Variants in SHISA9 observed in about 807,000 individuals in gnomAD.
SHISA9 encodes the protein shisa family member 9, also known as protein shisa-9.
Under a neutral mutation model 38.0 loss-of-function variants are expected in SHISA9, and 13 were observed. That is an observed-to-expected ratio of 0.34 (90% CI 0.22 to 0.54). The LOEUF is 0.54. Among genes scored for constraint, SHISA9 ranks in the 20% least tolerant of loss-of-function variants. SHISA9 has a pLI of 0.91. For synonymous variants in SHISA9, 275 were observed against 242.0 expected, an observed-to-expected ratio of 1.14 and a Z score of -1.27; for missense variants, 538 against 575.8, an observed-to-expected ratio of 0.93 and a Z score of 0.67.
chr16:13,246,135 C>A, the SHISA9 span, among the ~76,000 whole-genome samples: 3 of 152,188 alleles, frequency 2.0e-5, no homozygotes, highest in Non-Finnish European at 4.4e-5. Context: ...GCTGCTTCCC[C>A]ACCCAAATCT....
the SHISA9 span, among the ~76,000 whole-genome samples, chr16:13,517,229 C>G: frequency 6.6e-6 from 1 of 152,128 alleles, no homozygotes; most frequent in African/African-American, 2.4e-5. Context: ...TGCTGGTAAC[C>G]ATCGGAAGCT....
the SHISA9 span, among the ~76,000 whole-genome samples, chr16:13,441,075 A>G: frequency 3.9e-5 from 6 of 152,176 alleles, no homozygotes; most frequent in African/African-American, 1.2e-4. Flanking sequence ...CAGAGAAGAA[A>G]TATATTTGAT....
At chr16:13,160,395 A>G (rs546308585) in intron 2 of SHISA9, among the ~76,000 whole-genome samples, 6 of 152,156 alleles carry the variant, frequency 3.9e-5, no homozygotes, top group South Asian at 4.1e-4. Context: ...AGTATATTCT[A>G]TTCACCCAAG....
the SHISA9 span, among the ~76,000 whole-genome samples, chr16:13,525,218 A>C: frequency 2.6e-5 from 4 of 152,126 alleles, no homozygotes; most frequent in Non-Finnish European, 4.4e-5. Context: ...AGAACCACTG[A>C]GCTAATCCAT....
chr16:13,174,645 G>C (rs2050716161), intron 2 of SHISA9, among the ~76,000 whole-genome samples: 1 of 152,182 alleles, frequency 6.6e-6, no homozygotes, highest in Non-Finnish European at 1.5e-5. Context: ...GGAGGGGTTT[G>C]GACTTGAGAG....
intron 2 of SHISA9, among the ~76,000 whole-genome samples, chr16:13,027,891 C>T (rs946247695): frequency 7.5e-6 from 1 of 133,954 alleles, no homozygotes; most frequent in Non-Finnish European, 1.5e-5. Context: ...CACGCCACTG[C>T]ACTCTGGCCT....
the SHISA9 span, among the ~76,000 whole-genome samples, chr16:13,356,529 A>G: frequency 3.9e-5 from 6 of 152,218 alleles, no homozygotes; most frequent in East Asian, 1.2e-3. Context: ...AAGCCAGACC[A>G]GGTGTGAGGA....
chr16:13,126,717 CTG>C (rs1434932460), intron 2 of SHISA9, among the ~76,000 whole-genome samples: 2 of 106,550 alleles, frequency 1.9e-5, no homozygotes, highest in Non-Finnish European at 3.8e-5. Flanking sequence ...GAGAGAGAGA[CTG>C]AGAGAAGGAA....
chr16:13,286,590 G>A, the SHISA9 span, among the ~76,000 whole-genome samples: 1 of 152,034 alleles, frequency 6.6e-6, no homozygotes, highest in Non-Finnish European at 1.5e-5. Flanking sequence ...CTATATTAGG[G>A]AAAAAAAGTA....
chr16:13,495,704 A>G, the SHISA9 span, among the ~76,000 whole-genome samples: 1 of 152,010 alleles, frequency 6.6e-6, no homozygotes, highest in Admixed American at 6.5e-5. Flanking sequence ...TAATAATATT[A>G]TAAAAGAGAA....
At chr16:13,524,733 A>T in the SHISA9 span, among the ~76,000 whole-genome samples, 12 of 145,860 alleles carry the variant, frequency 8.2e-5, no homozygotes, top group East Asian at 4.0e-4. Flanking sequence ...TAATTTTTTA[A>T]TTTTTTTTTT....
At chr16:12,969,307 T>TA (rs1483165282) in intron 2 of SHISA9, among the ~76,000 whole-genome samples, 6 of 151,184 alleles carry the variant, frequency 4.0e-5, no homozygotes, top group East Asian at 3.9e-4. Flanking sequence ...GTGGTTAATG[T>TA]AAAAAAAAGC....
intron 2 of SHISA9, among the ~76,000 whole-genome samples, chr16:13,098,534 G>C (rs1422703381): frequency 6.6e-6 from 1 of 152,164 alleles, no homozygotes; most frequent in Non-Finnish European, 1.5e-5. Flanking sequence ...GTGAGAAAGG[G>C]GGGAGGTTCT....
At chr16:12,983,649 T>C (rs1476478878) in intron 2 of SHISA9, among the ~76,000 whole-genome samples, 1 of 152,114 alleles carries the variant, frequency 6.6e-6, no homozygotes, top group Non-Finnish European at 1.5e-5. Context: ...CCACCATGCC[T>C]GGCTAATTTT....
chr16:13,512,781 G>A, the SHISA9 span, among the ~76,000 whole-genome samples: 4 of 152,156 alleles, frequency 2.6e-5, no homozygotes, highest in South Asian at 2.1e-4. Flanking sequence ...TTTAATAAAT[G>A]GTGTTGGGAA....
intron 2 of SHISA9, among the ~76,000 whole-genome samples, chr16:13,055,092 C>G (rs1261728346): frequency 6.6e-6 from 1 of 152,120 alleles, no homozygotes; most frequent in Non-Finnish European, 1.5e-5. Context: ...TGGCCATCAT[C>G]ATATAATAAT....
chr16:13,252,343 T>C, the SHISA9 span, among the ~76,000 whole-genome samples: 1 of 152,332 alleles, frequency 6.6e-6, no homozygotes, highest in East Asian at 1.9e-4. Flanking sequence ...CATTTTTGGT[T>C]GTCATAACTT....
the SHISA9 span, among the ~76,000 whole-genome samples, chr16:13,526,079 T>C: frequency 1.3e-5 from 2 of 152,206 alleles, no homozygotes; most frequent in Non-Finnish European, 2.9e-5. Flanking sequence ...CTCTTCCTAA[T>C]ACACTTTGAT....
At chr16:13,269,193 T>A in the SHISA9 span, among the ~76,000 whole-genome samples, 1 of 152,214 alleles carries the variant, frequency 6.6e-6, no homozygotes, top group Non-Finnish European at 1.5e-5. Flanking sequence ...CAAAACACTG[T>A]AGGGCTTTTG....
Sources: gnomAD v4.1 joint callset for allele counts (sites outside exome capture counted in the v4.1 genomes callset) on GRCh38, gnomAD v4.1.1 for gene constraint, MANE v1.5 for transcripts, NCBI Gene and HGNC (gene_info 2026-07-23, HGNC 2026-07-21) for gene names.